IL7: variants seen among roughly 807,000 people sequenced by gnomAD.
IL7 encodes the protein interleukin-7.
Under a neutral mutation model 21.6 loss-of-function variants are expected in IL7, and 3 were observed. The ratio of observed to expected loss-of-function variants is 0.14; its 90% CI spans 0.06 to 0.36. The LOEUF is 0.36. Among genes scored for constraint, IL7 ranks in the 10% least tolerant of loss-of-function variants. IL7 has a pLI of 1.00. For missense variants in IL7, 175 were observed against 200.2 expected (o/e 0.87, Z 0.76); for synonymous variants, 62 against 68.1 (o/e 0.91, Z 0.44).
chr8:78,723,480 G>A (rs1811284934), intron 3 of IL7, among the ~76,000 whole-genome samples: 1 of 151,830 alleles, frequency 6.6e-6, no homozygotes, highest in Non-Finnish European at 1.5e-5. Context: ...AATAAATAAC[G>A]ATCTACCTAG....
chr8:78,792,902 A>T (rs550882086), intron 2 of IL7, among the ~76,000 whole-genome samples: 2 of 152,266 alleles, frequency 1.3e-5, no homozygotes, highest in South Asian at 4.1e-4. Context: ...CATATAATCC[A>T]ACAATTTGAC....
At chr8:78,777,416 G>A (rs1813167642) in intron 2 of IL7, among the ~76,000 whole-genome samples, 1 of 151,996 alleles carries the variant, frequency 6.6e-6, no homozygotes, top group African/African-American at 2.4e-5. Flanking sequence ...TTGTAATTAT[G>A]TTGTGGCATT....
At chr8:78,793,012 C>T (rs1813743955) in intron 2 of IL7, among the ~76,000 whole-genome samples, 1 of 152,058 alleles carries the variant, frequency 6.6e-6, no homozygotes, top group Non-Finnish European at 1.5e-5. Context: ...CAAAATGTGG[C>T]ATATCCATAC....
chr8:78,689,128 A>T, intron 3 of IL7: 8 of 927,150 alleles, frequency 8.6e-6, no homozygotes, highest in Non-Finnish European at 1.2e-5. Context: ...GTTATTACTT[A>T]TATTTTTTGA....
chr8:78,782,620 G>T (rs1441646653), intron 2 of IL7, among the ~76,000 whole-genome samples: 1 of 151,978 alleles, frequency 6.6e-6, no homozygotes. Flanking sequence ...GAGGGTTATT[G>T]ACTTCATGTT....
intron 2 of IL7, chr8:78,761,566 A>G (rs890886205): frequency 7.0e-5 from 113 of 1,611,782 alleles, no homozygotes; most frequent in Non-Finnish European, 9.2e-5. Flanking sequence ...CTCTTAGGTT[A>G]TGAGATTCAT....
chr8:78,704,061 T>C (rs192181067), intron 3 of IL7, among the ~76,000 whole-genome samples: 13 of 152,272 alleles, frequency 8.5e-5, no homozygotes, highest in South Asian at 6.2e-4. Context: ...TGGCCTGATA[T>C]GAAATTTTGA....
chr8:78,768,667 AT>A (rs1563427907), intron 2 of IL7, among the ~76,000 whole-genome samples: 1 of 151,668 alleles, frequency 6.6e-6, no homozygotes, highest in Non-Finnish European at 1.5e-5. Flanking sequence ...GATTCTGGAT[AT>A]TAGCCCTTTG....
intron 2 of IL7, among the ~76,000 whole-genome samples, chr8:78,778,951 T>C (rs556887025): frequency 5.3e-5 from 8 of 152,078 alleles, no homozygotes; most frequent in Admixed American, 4.6e-4. Flanking sequence ...CCCTGAGAGG[T>C]CTTCACTTGC....
intron 6 of IL7, chr8:78,718,058 A>C (rs1019118194): frequency 6.6e-6 from 1 of 152,066 alleles, no homozygotes; most frequent in Non-Finnish European, 1.5e-5. Context: ...AGAAAAAAAA[A>C]CCCCTCTATT....
chr8:78,678,340 A>G (rs1180366431), intron 4 of IL7, among the ~76,000 whole-genome samples: 1 of 152,150 alleles, frequency 6.6e-6, no homozygotes, highest in East Asian at 1.9e-4. Context: ...AAGAGTGTTT[A>G]TAATTTTTTT....
chr8:78,792,572 T>C (rs146367685), intron 2 of IL7, among the ~76,000 whole-genome samples: 2,824 of 151,984 alleles, frequency 0.019, 56 homozygotes, highest in Non-Finnish European at 0.024. Flanking sequence ...ACTATAAAAA[T>C]GAAAAGACAA....
intron 3 of IL7, among the ~76,000 whole-genome samples, chr8:78,692,571 G>C (rs979448932): frequency 2.0e-5 from 3 of 151,932 alleles, no homozygotes; most frequent in African/African-American, 7.3e-5. Flanking sequence ...CCTTTTTTAG[G>C]AGGGGAGCAG....
intron 3 of IL7, among the ~76,000 whole-genome samples, chr8:78,696,064 C>G (rs1810398435): frequency 1.3e-5 from 2 of 151,516 alleles, no homozygotes; most frequent in African/African-American, 4.9e-5. Flanking sequence ...GAGACGGAGT[C>G]TTGCTCTGTT....
At chr8:78,675,097 A>G (rs1809539581), downstream of IL7, among the ~76,000 whole-genome samples, 1 of 151,554 alleles carries the variant, frequency 6.6e-6, no homozygotes, top group African/African-American at 2.4e-5. Context: ...TTTTAGTAAT[A>G]ACATTTGTTG....
At chr8:78,721,281 A>AT (rs1586041165) in intron 4 of IL7, 1 of 151,954 alleles carries the variant, frequency 6.6e-6, no homozygotes. Flanking sequence ...AGCATTTCCC[A>AT]TTTTTTCTTT....
At chr8:78,701,559 C>CT (rs1810604708) in intron 3 of IL7, among the ~76,000 whole-genome samples, 1 of 152,150 alleles carries the variant, frequency 6.6e-6, no homozygotes, top group Admixed American at 6.5e-5. Flanking sequence ...GAAAGGGCAT[C>CT]TTTGTCTTGT....
rs138890208 is a variant in IL7, at chr8:78,719,681, T to G, written n.477-571A>C. 5 of 151,862 alleles carry G rather than the reference T, an allele frequency of 3.3e-5. No individual in the cohort carries two copies. The East Asian group carries it at 9.7e-4, about 29-fold the overall frequency. The allele number at this position is 151,862 out of a possible 1,614,324, so 9.4% of individuals were successfully genotyped here. A position where few individuals can be genotyped will look rare whatever the true frequency, so the allele number is the denominator to read the frequency against. On this transcript the variant is annotated intron_variant and non_coding_transcript_variant, in intron 5 of 6. Coordinates refer to the IL7 transcript ENST00000519833. ...AAAAGATGATTGTGGTGACTATTAT[T>G]TCTTGTCCACTATTTGTTTTTTGTT... is the stretch of plus-strand genomic sequence containing the variant.
chr8:78,686,733 T>C, intron 3 of IL7: 1 of 1,085,236 alleles, frequency 9.2e-7, no homozygotes, highest in South Asian at 4.2e-5. Flanking sequence ...ATCTTTAAAA[T>C]TTGGTGTAAA....
Sources: allele counts gnomAD v4.1 joint callset (sites outside exome capture counted in the v4.1 genomes callset), GRCh38; gene constraint gnomAD v4.1.1; transcripts MANE v1.5; gene names NCBI Gene and HGNC (gene_info 2026-07-23, HGNC 2026-07-21).